DGLUCY: variants seen among roughly 807,000 people sequenced by gnomAD.
DGLUCY encodes D-glutamate cyclase.
In DGLUCY, 58 loss-of-function variants were observed where a neutral mutation model predicts 58.5. That is an observed-to-expected ratio of 0.99 (90% CI 0.80 to 1.23). The LOEUF (loss-of-function observed/expected upper bound fraction) is 1.23, where lower values mean the gene tolerates loss of function less well. DGLUCY is among the 50% of genes most tolerant of loss of function. The pLI is 0.00. For synonymous variants in DGLUCY, 325 were observed against 314.1 expected (o/e 1.03, Z -0.37); for missense variants, 779 against 784.7 (o/e 0.99, Z 0.09).
intron 1 of DGLUCY, among the ~76,000 whole-genome samples, chr14:91,068,067 A>G (rs867932401): frequency 7.7e-4 from 88 of 114,300 alleles, no homozygotes; most frequent in African/African-American, 2.6e-3. Context: ...GTGCACACAC[A>G]CACACGCGCA....
At chr14:91,102,515 A>G (rs569038233) in intron 1 of DGLUCY, among the ~76,000 whole-genome samples, 10 of 152,178 alleles carry the variant, frequency 6.6e-5, no homozygotes, top group African/African-American at 2.4e-4. Flanking sequence ...ATGGGAGCCA[A>G]AAGGAAAGTG....
chr14:91,119,498 G>A (rs1448720363), intron 1 of DGLUCY, among the ~76,000 whole-genome samples: 1 of 152,062 alleles, frequency 6.6e-6, no homozygotes, highest in Non-Finnish European at 1.5e-5. Flanking sequence ...CTCTTTCTAA[G>A]TTCCCACCCT....
intron 12 of DGLUCY, among the ~76,000 whole-genome samples, chr14:91,213,453 T>C (rs1421719218): frequency 6.6e-6 from 1 of 151,858 alleles, no homozygotes; most frequent in Non-Finnish European, 1.5e-5. Flanking sequence ...AAATAATAAT[T>C]ATTGATGACA....
exon 1 of DGLUCY, chr14:91,060,554 T>A (rs1319767547): frequency 1.7e-6 from 2 of 1,185,352 alleles, no homozygotes; most frequent in Non-Finnish European, 1.1e-6. Context: ...GCTCCAGAAC[T>A]CGGACGCAAA....
At position 91,092,001 on chromosome 14, in the gene DGLUCY, T is replaced by C. The variant is rs2044319885; in HGVS notation, c.-82+31297T>C. On this transcript the variant is annotated intron_variant, in intron 1 of 4. Coordinates refer to the DGLUCY transcript ENST00000521334. ...GACCATGTCTTCCAAATCAAACCCT[T>C]GACTCCAGGCAGGCCAATATCTATA... Among the ~76,000 whole-genome samples the C allele has an allele frequency of 2.6e-5, 4 of 152,278 alleles. No individual in the cohort carries two copies. The South Asian group carries it at 8.3e-4, about 32-fold the overall frequency.
chr14:91,067,049 C>G (rs2043834125), intron 1 of DGLUCY, among the ~76,000 whole-genome samples: 2 of 139,680 alleles, frequency 1.4e-5, no homozygotes, highest in South Asian at 4.4e-4. Context: ...CCACTGCACT[C>G]CAGCCTGGGT....
At chr14:91,196,261 ATGT>A (rs1402516159) in intron 9 of DGLUCY, 111 bp from the exon 10 acceptor site, 5 of 745,726 alleles carry the variant, frequency 6.7e-6, no homozygotes, top group Non-Finnish European at 1.2e-5. Context: ...CTACAGATAG[ATGT>A]TGTTCAACAA....
chr14:91,181,369 C>A lies in DGLUCY; in HGVS notation c.914C>A (p.Ser305Tyr). The change falls in exon 8 of 14, where the codon TCT becomes TAT. Residue 305 changes from serine (S) to tyrosine (Y), a missense_variant. Transcript: ENST00000256324. ...SASQKIRELE[S>Y]MIGIDPGNRG... is the part of the protein sequence containing the mutation. ...TCTCAGAAGATCAGAGAACTAGAGT[C>A]TATGATCGGCATAGACCCAGGTAAG... 6.2e-7 allele frequency: 1 copy of A among 1,613,742 alleles called. No individual in the cohort carries two copies. Among genetic ancestry groups the A allele is most frequent in the Non-Finnish European group, 8.5e-7 (1 of 1,179,990 alleles).
intron 1 of DGLUCY, among the ~76,000 whole-genome samples, chr14:91,093,009 G>T (rs937640101): frequency 6.6e-6 from 1 of 151,500 alleles, no homozygotes; most frequent in Non-Finnish European, 1.5e-5. Context: ...ACTTGAATCC[G>T]GGAGACAAAG....
In DGLUCY at chr14:91,215,532, T is replaced by TC; in HGVS notation, c.1693dup (p.Gln565ProfsTer8). 1 of 1,613,994 alleles carries TC rather than the reference T, an allele frequency of 6.2e-7. No individual in the cohort carries two copies. The highest frequency in any genetic ancestry group is 8.5e-7 in the Non-Finnish European group (1 of 1,179,850). ...GGGCACCTGGAGATCAGGCCTGGAC[T>TC]CAGGCCCTCCCGTCGGTCATTAAGG... On this transcript the variant is annotated frameshift_variant, in exon 13 of 14. Transcript: ENST00000256324. LOFTEE classifies it low-confidence loss of function (END_TRUNC).
At chr14:91,190,647 G>T (rs996086169) in intron 9 of DGLUCY, among the ~76,000 whole-genome samples, 1 of 152,122 alleles carries the variant, frequency 6.6e-6, no homozygotes, top group African/African-American at 2.4e-5. Flanking sequence ...TCATTAGGTG[G>T]AGTGGGGGCC....
intron 4 of DGLUCY, among the ~76,000 whole-genome samples, chr14:91,169,401 C>A (rs1339559573): frequency 6.6e-6 from 1 of 151,136 alleles, no homozygotes; most frequent in Non-Finnish European, 1.5e-5. Context: ...TACTTTTCTT[C>A]TTCTTCTTTT....
In DGLUCY at chr14:91,170,188, C is replaced by T. The variant is rs4900072; in HGVS notation, c.443C>T (p.Ala148Val). 0.31 allele frequency: 501,114 copies of T among 1,613,068 alleles called. 82,216 individuals carry two copies. The highest frequency in any genetic ancestry group is 0.34 in the Non-Finnish European group (398,607 of 1,179,652). ...AGAGACCCAGCAGGTCACAGCCAGG[C>T]GGGTGCATACAAGGTAGGGACACAG... ...PRRDPAGHSQ[A>V]GAYKTTVPCV... Residue 148 changes from alanine to valine, a missense_variant, in exon 5 of 14, where the codon GCG becomes GTG. Transcript: ENST00000256324.
chr14:91,138,423 G>A (rs746577336), intron 1 of DGLUCY, among the ~76,000 whole-genome samples: 3 of 152,248 alleles, frequency 2.0e-5, no homozygotes, highest in East Asian at 1.9e-4. Flanking sequence ...CCCAGGAGGC[G>A]GAGGTTGCGG....
At chr14:91,220,986 C>A (rs1224210665) in intron 13 of DGLUCY, among the ~76,000 whole-genome samples, 1 of 152,234 alleles carries the variant, frequency 6.6e-6, no homozygotes, top group Non-Finnish European at 1.5e-5. Flanking sequence ...CCTGGACTTC[C>A]CCCACCTCAA....
At chr14:91,182,876 G>C (rs1282360458) in intron 8 of DGLUCY, among the ~76,000 whole-genome samples, 1 of 148,070 alleles carries the variant, frequency 6.8e-6, no homozygotes, top group Non-Finnish European at 1.5e-5. Context: ...GGATCCCCTA[G>C]GGGACCTGCT....
At chr14:91,069,890 C>T (rs750733095) in intron 1 of DGLUCY, among the ~76,000 whole-genome samples, 3 of 149,520 alleles carry the variant, frequency 2.0e-5, no homozygotes, top group Admixed American at 1.4e-4. Flanking sequence ...AAGTGATTCT[C>T]CTGCCTCAGC....
chr14:91,111,242 GTGTGTGTATA>G (rs1267306681), upstream of DGLUCY, among the ~76,000 whole-genome samples: 12 of 100,700 alleles, frequency 1.2e-4, no homozygotes, highest in East Asian at 2.5e-4. Context: ...GTGTGTGTGT[GTGTGTGTATA>G]TATCTATATA....
At chr14:91,073,238 C>T (rs895297603) in intron 1 of DGLUCY, among the ~76,000 whole-genome samples, 16 of 152,032 alleles carry the variant, frequency 1.1e-4, no homozygotes, top group Admixed American at 2.0e-4. Flanking sequence ...CTCAGGAGTT[C>T]GAGACCAGCC....
Sources: allele counts gnomAD v4.1 joint callset (sites outside exome capture counted in the v4.1 genomes callset), GRCh38; gene constraint gnomAD v4.1.1; transcripts MANE v1.5; gene names NCBI Gene and HGNC (gene_info 2026-07-23, HGNC 2026-07-21).